The following UNC13C variants were observed in gnomAD, a reference collection of about 807,000 sequenced individuals.
UNC13C encodes protein unc-13 homolog C.
In UNC13C, 174 loss-of-function variants were observed where a neutral mutation model predicts 245.4. That is an observed-to-expected ratio of 0.71 (90% confidence interval 0.63 to 0.80). UNC13C has a LOEUF of 0.80. Ranked by LOEUF, UNC13C falls within the 30% of genes least tolerant of loss-of-function variation. The pLI, the probability that UNC13C is intolerant of heterozygous loss-of-function variation, is 0.00. For synonymous variants in UNC13C, 992 were observed against 895.1 expected, an observed-to-expected ratio of 1.11 and a Z score of -1.93; for missense variants, 2,829 against 2,602.9, an observed-to-expected ratio of 1.09 and a Z score of -1.89.
the UNC13C span, among the ~76,000 whole-genome samples, chr15:53,908,391 G>T: frequency 6.9e-6 from 1 of 145,944 alleles, no homozygotes; most frequent in East Asian, 2.0e-4. Context: ...TTATTCCAGG[G>T]CTTACACACA....
intron 25 of UNC13C, among the ~76,000 whole-genome samples, chr15:54,529,706 T>C (rs1367594734): frequency 6.6e-6 from 1 of 152,210 alleles, no homozygotes; most frequent in Non-Finnish European, 1.5e-5. Context: ...AAATACTAAC[T>C]GTATCATCAT....
chr15:54,228,522 C>A (rs1276500205), intron 4 of UNC13C, among the ~76,000 whole-genome samples: 1 of 152,156 alleles, frequency 6.6e-6, no homozygotes, highest in Admixed American at 6.5e-5. Context: ...TACTACCTGG[C>A]TACGGCTCCT....
At chr15:54,428,735 A>C (rs763756422) in intron 19 of UNC13C, among the ~76,000 whole-genome samples, 1 of 151,530 alleles carries the variant, frequency 6.6e-6, no homozygotes, top group African/African-American at 2.4e-5. Context: ...TCTGTGCTAG[A>C]TCTGAAGTGG....
Position 54,150,443 on chromosome 15 carries a change from C to G in UNC13C, c.3071+6759C>G, listed in dbSNP as rs144714689. Reference sequence around the variant, plus strand: ...CTCAGCACACTGTCTGCAGTCCTCACGCAGAGCAAGCACATAATGTCCTAT... The same window carrying G: ...CTCAGCACACTGTCTGCAGTCCTCAGGCAGAGCAAGCACATAATGTCCTAT... On this transcript the variant is annotated intron_variant, in intron 4 of 32. Transcript: ENST00000260323. Among the ~76,000 whole-genome samples the G allele has an allele frequency of 3.0e-4, 46 of 152,298 alleles. 1 individual carries two copies. Among genetic ancestry groups the G allele is most frequent in the African/African-American group, 1.1e-3 (45 of 41,574 alleles).
At chr15:53,839,632 A>T in the UNC13C span, among the ~76,000 whole-genome samples, 3 of 151,930 alleles carry the variant, frequency 2.0e-5, no homozygotes, top group Admixed American at 6.6e-5. Flanking sequence ...TCTGTTTTTT[A>T]ACCTGTTATT....
chr15:54,232,746 C>T (rs979238857), intron 4 of UNC13C, among the ~76,000 whole-genome samples: 1 of 152,032 alleles, frequency 6.6e-6, no homozygotes, highest in African/African-American at 2.4e-5. Context: ...TTAATAGGTA[C>T]TGTAATGGGA....
chr15:54,094,730 C>A (rs548064652), intron 2 of UNC13C, among the ~76,000 whole-genome samples: 1 of 152,134 alleles, frequency 6.6e-6, no homozygotes, highest in Non-Finnish European at 1.5e-5. Flanking sequence ...AAACAAAAAT[C>A]TATTAAAGTT....
rs191868206 is a variant in UNC13C, at chr15:54,175,442, T to C, written c.3071+31758T>C. Among the ~76,000 whole-genome samples, 5 of 151,412 alleles carry C rather than the reference T, an allele frequency of 3.3e-5. No individual in the cohort carries two copies. In the East Asian group the frequency reaches 9.8e-4, roughly 30 times the overall value. ...AAGGTGAGTCTTCCCTGGTACCAAATGAATCCTCTTTCCAGTAGGAAAAGA... is the reference window on the plus strand; with the variant it reads ...AAGGTGAGTCTTCCCTGGTACCAAACGAATCCTCTTTCCAGTAGGAAAAGA... On this transcript the variant is annotated intron_variant, in intron 4 of 32. Transcript: ENST00000260323.
At chr15:54,556,864 G>A (rs918929402) in intron 29 of UNC13C, among the ~76,000 whole-genome samples, 3 of 151,940 alleles carry the variant, frequency 2.0e-5, no homozygotes, top group Admixed American at 6.6e-5. Context: ...GGAAAGGAAG[G>A]AAAATGTGTC....
intron 19 of UNC13C, among the ~76,000 whole-genome samples, chr15:54,427,612 C>A (rs999188673): frequency 6.6e-6 from 1 of 151,818 alleles, no homozygotes; most frequent in African/African-American, 2.4e-5. Context: ...TATACACTTA[C>A]ATATTTGCTT....
intron 29 of UNC13C, among the ~76,000 whole-genome samples, chr15:54,562,449 A>T (rs1897331212): frequency 1.3e-5 from 2 of 152,044 alleles, no homozygotes; most frequent in Non-Finnish European, 2.9e-5. Flanking sequence ...TGGAAACATG[A>T]CTGAGCATCT....
At chr15:54,457,138 TATGATTATTGTTTTTAATTC>T (rs1567291151) in intron 19 of UNC13C, among the ~76,000 whole-genome samples, 1 of 152,166 alleles carries the variant, frequency 6.6e-6, no homozygotes, top group Non-Finnish European at 1.5e-5. Flanking sequence ...GAGATGATCA[TATGATTATTGTTTTTAATTC>T]TGTTTATGTG....
the UNC13C span, among the ~76,000 whole-genome samples, chr15:53,957,088 ATAT>A: frequency 7.9e-5 from 12 of 152,126 alleles, no homozygotes; most frequent in African/African-American, 9.7e-5. Context: ...CAATATTGTG[ATAT>A]TATAACATGC....
At chr15:54,084,947 T>A (rs1479589709) in intron 2 of UNC13C, among the ~76,000 whole-genome samples, 3 of 152,196 alleles carry the variant, frequency 2.0e-5, no homozygotes, top group Admixed American at 2.0e-4. Context: ...ATTATGATTA[T>A]TTATAAGTAG....
chr15:54,135,747 C>T (rs1481704796), intron 2 of UNC13C, among the ~76,000 whole-genome samples: 1 of 152,046 alleles, frequency 6.6e-6, no homozygotes, highest in African/African-American at 2.4e-5. Flanking sequence ...GCCCCAGCTT[C>T]GTTCTTTTCT....
rs115917116 is a variant in UNC13C at position 53,995,867 on chromosome 15, T to C, written c.-256-16781T>C. Among the ~76,000 whole-genome samples, 642 of 152,218 alleles carry C rather than the reference T, an allele frequency of 4.2e-3. 6 individuals are homozygous for C. The highest frequency in any genetic ancestry group is 0.015 in the African/African-American group (628 of 41,544). On this transcript the variant is annotated intron_variant, in intron 1 of 32. Transcript: ENST00000260323. ...GAACTGGATGGTGAGAGGTTGGAGA[T>C]GAAAGGACTCGTGGAGAAGTAGAGA...
At chr15:54,226,118 G>T (rs1322098342) in intron 4 of UNC13C, among the ~76,000 whole-genome samples, 1 of 152,162 alleles carries the variant, frequency 6.6e-6, no homozygotes, top group Non-Finnish European at 1.5e-5. Flanking sequence ...TTATTGATTT[G>T]TGTATGTTAA....
chr15:53,924,508 A>G, the UNC13C span, among the ~76,000 whole-genome samples: 1 of 152,354 alleles, frequency 6.6e-6, no homozygotes, highest in East Asian at 1.9e-4. Context: ...AAATAATGAC[A>G]GAGCAAATTA....
In UNC13C at chr15:54,305,519, GTT is replaced by G. The variant is rs918289965; in HGVS notation, c.4268+5148_4268+5149del. On this transcript the variant is annotated intron_variant, in intron 13 of 32. Coordinates refer to ENST00000260323, the MANE Select transcript of UNC13C (RefSeq NM_001080534.3). Reference sequence around the variant, plus strand: ...CACTAACTCAACTGAAAAAAAAACTGTTTATGAATAAATCTATCTTTTAATTT... The same window carrying G: ...CACTAACTCAACTGAAAAAAAAACTGTATGAATAAATCTATCTTTTAATTT... Among the ~76,000 whole-genome samples, 10 of 151,730 alleles carry G rather than the reference GTT, an allele frequency of 6.6e-5. No individual in the cohort carries two copies. The Admixed American group carries it at 6.6e-4, about 10-fold the overall frequency.
Sources: allele counts gnomAD v4.1 joint callset (sites outside exome capture counted in the v4.1 genomes callset), GRCh38; gene constraint gnomAD v4.1.1; transcripts MANE v1.5; gene names NCBI Gene and HGNC (gene_info 2026-07-23, HGNC 2026-07-21).